NELL1: variants seen among roughly 807,000 people sequenced by gnomAD.
The protein encoded by NELL1 is protein kinase C-binding protein NELL1.
Under a neutral mutation model 107.4 loss-of-function variants are expected in NELL1, and 76 were observed. The observed-to-expected ratio is 0.71, with a 90% CI of 0.59 to 0.86. The LOEUF (loss-of-function observed/expected upper bound fraction) is 0.86. Ranked by LOEUF, NELL1 falls within the 40% of genes least tolerant of loss-of-function variation. NELL1 has a pLI of 0.00. For synonymous variants in NELL1, 353 were observed against 341.2 expected (o/e 1.03, Z -0.38); for missense variants, 1,024 against 1,005.5 (o/e 1.02, Z -0.25).
At chr11:20,908,318 A>G (rs962934034) in intron 5 of NELL1, among the ~76,000 whole-genome samples, 22 of 152,204 alleles carry the variant, frequency 1.4e-4, no homozygotes, top group African/African-American at 5.3e-4. Context: ...CTCAACAATG[A>G]TAGACTATTT....
chr11:21,263,297 C>T (rs1460158787), intron 14 of NELL1, among the ~76,000 whole-genome samples: 1 of 151,958 alleles, frequency 6.6e-6, no homozygotes, highest in African/African-American at 2.4e-5. Context: ...CAATAAAACA[C>T]TAATCGAAAG....
intron 12 of NELL1, among the ~76,000 whole-genome samples, chr11:21,108,379 T>C (rs762364438): frequency 1.3e-5 from 2 of 152,124 alleles, no homozygotes; most frequent in Admixed American, 6.6e-5. Flanking sequence ...CAAGTTTCAT[T>C]TTACAGTCCA....
chr11:20,773,962 T>A (rs1856691042), intron 2 of NELL1, among the ~76,000 whole-genome samples: 1 of 151,862 alleles, frequency 6.6e-6, no homozygotes, highest in Non-Finnish European at 1.5e-5. Flanking sequence ...AAACATGACC[T>A]TTTTTTCCCC....
At chr11:20,732,374 T>A (rs987206626) in intron 2 of NELL1, among the ~76,000 whole-genome samples, 1 of 152,212 alleles carries the variant, frequency 6.6e-6, no homozygotes, top group African/African-American at 2.4e-5. Flanking sequence ...TTTTACTGCA[T>A]GGATTTTTGT....
intron 13 of NELL1, among the ~76,000 whole-genome samples, chr11:21,133,174 T>A (rs982833534): frequency 6.6e-6 from 1 of 152,140 alleles, no homozygotes; most frequent in African/African-American, 2.4e-5. Context: ...GTCATCTTGA[T>A]GAAGAGACCC....
Position 20,863,423 on chromosome 11 carries a change from C to T in NELL1, c.506+15670C>T, listed in dbSNP as rs12806346. On this transcript the variant is annotated intron_variant, in intron 4 of 19. Coordinates refer to ENST00000357134, the MANE Select transcript of NELL1 (RefSeq NM_006157.5). ...GCCAGGCGGAGACGCTCCTCACTTCCCAGAAGGGGTGGCTGCTGGGCGGAG... is the reference window on the plus strand; with the variant it reads ...GCCAGGCGGAGACGCTCCTCACTTCTCAGAAGGGGTGGCTGCTGGGCGGAG... Among the ~76,000 whole-genome samples the T allele has an allele frequency of 5.1e-3, 186 of 36,500 alleles. 27 individuals carry two copies. The highest frequency in any genetic ancestry group is 0.013 in the Non-Finnish European group (111 of 8,768). The allele number at this position is 36,500 out of a possible 152,430, so 23.9% of individuals were successfully genotyped here. A position where few individuals can be genotyped will look rare whatever the true frequency, so the allele number is the denominator to read the frequency against.
At chr11:21,232,079 A>G (rs891147110) in intron 14 of NELL1, among the ~76,000 whole-genome samples, 26 of 150,052 alleles carry the variant, frequency 1.7e-4, no homozygotes, top group African/African-American at 6.4e-4. Flanking sequence ...CGGGTGGATC[A>G]CCTGAGGGTC....
At chr11:20,689,152 G>A (rs946973994) in intron 2 of NELL1, among the ~76,000 whole-genome samples, 2 of 151,918 alleles carry the variant, frequency 1.3e-5, no homozygotes, top group African/African-American at 2.4e-5. Context: ...AATTGTTTAA[G>A]TTCCTTATAG....
intron 6 of NELL1, among the ~76,000 whole-genome samples, chr11:20,918,536 TG>T (rs971380168): frequency 1.3e-5 from 2 of 151,992 alleles, no homozygotes; most frequent in African/African-American, 4.8e-5. Flanking sequence ...TCCACATGGA[TG>T]GGGAGGCCTC....
intron 14 of NELL1, among the ~76,000 whole-genome samples, chr11:21,255,179 C>A (rs1454004): frequency 0.91 from 137,707 of 152,094 alleles, 62,472 homozygotes; most frequent in Non-Finnish European, 0.93. Context: ...ATCTTCCCCC[C>A]CGGAGGTTAA....
intron 14 of NELL1, among the ~76,000 whole-genome samples, chr11:21,241,669 A>G (rs992992896): frequency 2.6e-5 from 4 of 152,136 alleles, no homozygotes; most frequent in Non-Finnish European, 4.4e-5. Context: ...TGGAATGTTT[A>G]ACTAGGACTG....
intron 15 of NELL1, among the ~76,000 whole-genome samples, chr11:21,413,281 A>G (rs1050563948): frequency 2.6e-5 from 4 of 151,892 alleles, no homozygotes; most frequent in African/African-American, 2.4e-5. Flanking sequence ...ATCTGGATGG[A>G]CAATCTGGAC....
chr11:20,974,547 C>A (rs1851565942), intron 12 of NELL1, among the ~76,000 whole-genome samples: 1 of 151,856 alleles, frequency 6.6e-6, no homozygotes, highest in Non-Finnish European at 1.5e-5. Flanking sequence ...TTGCAGATTT[C>A]TTTCACAGAA....
intron 12 of NELL1, among the ~76,000 whole-genome samples, chr11:21,102,989 T>C (rs1224834717): frequency 2.0e-5 from 3 of 152,180 alleles, no homozygotes; most frequent in Non-Finnish European, 4.4e-5. Flanking sequence ...TTAAAGAAGC[T>C]TATTTCATCT....
intron 2 of NELL1, among the ~76,000 whole-genome samples, chr11:20,777,949 AG>A (rs1856781195): frequency 6.6e-6 from 1 of 152,174 alleles, no homozygotes; most frequent in Admixed American, 6.5e-5. Context: ...TTGGCCAATC[AG>A]GGGCCTGAGA....
intron 5 of NELL1, among the ~76,000 whole-genome samples, chr11:20,893,826 G>C (rs1849668593): frequency 8.5e-6 from 1 of 117,156 alleles, no homozygotes; most frequent in Admixed American, 9.2e-5. Context: ...TAAAAAATAA[G>C]GACTCATAAA....
intron 12 of NELL1, among the ~76,000 whole-genome samples, chr11:20,970,775 TGC>T (rs980820062): frequency 5.6e-5 from 8 of 142,416 alleles, no homozygotes; most frequent in Non-Finnish European, 1.0e-4. Context: ...ATTTTGAATG[TGC>T]TAAGAAGTCT....
chr11:20,954,638 T>C (rs1473329410), intron 11 of NELL1, among the ~76,000 whole-genome samples: 1 of 152,172 alleles, frequency 6.6e-6, no homozygotes, highest in Non-Finnish European at 1.5e-5. Flanking sequence ...TGAATGACTA[T>C]TCACTCACTT....
chr11:20,786,791 A>T (rs147262255), intron 3 of NELL1, among the ~76,000 whole-genome samples: 51 of 151,908 alleles, frequency 3.4e-4, no homozygotes, highest in Middle Eastern at 3.4e-3. Context: ...GGCATATCAC[A>T]AGGTCAGGAG....
Sources: gnomAD v4.1 joint callset for allele counts (sites outside exome capture counted in the v4.1 genomes callset) on GRCh38, gnomAD v4.1.1 for gene constraint, MANE v1.5 for transcripts, NCBI Gene and HGNC (gene_info 2026-07-23, HGNC 2026-07-21) for gene names.